PCDHA10: variants seen among roughly 807,000 people sequenced by gnomAD.
The protein encoded by PCDHA10 is protocadherin alpha 10.
In PCDHA10, 45 loss-of-function variants were observed where a neutral mutation model predicts 61.2. The observed-to-expected ratio is 0.74, with a 90% CI of 0.58 to 0.94. PCDHA10 has a LOEUF of 0.94. Ranked by LOEUF, PCDHA10 falls within the 40% of genes least tolerant of loss-of-function variation. The pLI is 0.00. For synonymous variants in PCDHA10, 602 were observed against 548.8 expected (o/e 1.10, Z -1.35); for missense variants, 1,278 against 1,236.2 (o/e 1.03, Z -0.51).
chr5:140,883,119 C>T, intron 1 of PCDHA10: 1 of 1,613,998 alleles, frequency 6.2e-7, no homozygotes, highest in Non-Finnish European at 8.5e-7. Context: ...TTTAGAAGGC[C>T]TGTATGGCCT....
At position 140,915,662 on chromosome 5, in the gene PCDHA10, G is replaced by T. The variant is rs75670796; in HGVS notation, c.2388+57226G>T. On this transcript the variant is annotated intron_variant, in intron 1 of 3. Transcript: ENST00000307360. ...TCTCTCTCTCTCTCTCTCTCAAGGT[G>T]CTGGGCCATCTTGAACTAGGGGTAT... is the stretch of plus-strand genomic sequence containing the variant. 8.2e-3 allele frequency among the ~76,000 whole-genome samples: 1,195 copies of T among 145,332 alleles called. 7 individuals are homozygous for T. Among genetic ancestry groups the T allele is most frequent in the African/African-American group, 0.02 (782 of 39,430 alleles).
At position 140,939,517 on chromosome 5, in the gene PCDHA10, G is replaced by GACATTGTAGAATTATAGAATTCTACATAA. The variant is rs559604027; in HGVS notation, c.2389-39432_2389-39431insACATTGTAGAATTATAGAATTCTACATAA. 5.4e-3 allele frequency among the ~76,000 whole-genome samples: 825 copies of GACATTGTAGAATTATAGAATTCTACATAA among 152,166 alleles called. 3 individuals carry two copies. Among genetic ancestry groups the GACATTGTAGAATTATAGAATTCTACATAA allele is most frequent in the African/African-American group, 0.019 (794 of 41,518 alleles). On this transcript the variant is annotated intron_variant, in intron 1 of 3. Coordinates refer to ENST00000307360, the MANE Select transcript of PCDHA10 (RefSeq NM_018901.4). Reference sequence around the variant, plus strand: ...AAATTCAATGTCTATAACATTAATAGTTATAGAATTATACAGAGCCTCTAT... The same window carrying GACATTGTAGAATTATAGAATTCTACATAA: ...AAATTCAATGTCTATAACATTAATAGACATTGTAGAATTATAGAATTCTACATAATTATAGAATTATACAGAGCCTCTAT...
chr5:140,928,539 T>G, intron 1 of PCDHA10: 1 of 1,614,222 alleles, frequency 6.2e-7, no homozygotes. Context: ...TAGATAGGAA[T>G]GACAATTATC....
Position 140,877,355 on chromosome 5 carries a change from C to T in PCDHA10, c.2388+18919C>T. On this transcript the variant is annotated intron_variant, in intron 1 of 3. Coordinates refer to ENST00000307360, the MANE Select transcript of PCDHA10 (RefSeq NM_018901.4). ...ATCCCGTTCCACGTGGGGCTGTACA[C>T]TGGCGAGATCAGCACGACACGCATC... 1.2e-6 allele frequency: 2 copies of T among 1,614,012 alleles called. No homozygotes were observed. Among genetic ancestry groups the T allele is most frequent in the Non-Finnish European group, 8.5e-7 (1 of 1,179,888 alleles).
At position 140,966,988 on chromosome 5, in the gene PCDHA10, G is replaced by C. The variant is rs782004679; in HGVS notation, c.2389-11961G>C. 1.2e-5 allele frequency: 20 copies of C among 1,603,962 alleles called. No homozygotes were observed. The African/African-American group carries it at 2.1e-4, about 17-fold the overall frequency. Reference sequence around the variant, plus strand: ...GGCTTGAGCTGCGGCGCTTGGGGCCGGGTTGCTTGCGCATCAACCATCTGG... The same window carrying C: ...GGCTTGAGCTGCGGCGCTTGGGGCCCGGTTGCTTGCGCATCAACCATCTGG... On this transcript the variant is annotated intron_variant, in intron 1 of 3. Transcript: ENST00000307360.
At chr5:140,882,971 G>C in intron 1 of PCDHA10, 1 of 1,614,206 alleles carries the variant, frequency 6.2e-7, no homozygotes, top group Non-Finnish European at 8.5e-7. Flanking sequence ...GATTCTGGAC[G>C]TGAATGACAA....
intron 1 of PCDHA10, among the ~76,000 whole-genome samples, chr5:140,891,916 G>T (rs1336108155): frequency 6.6e-6 from 1 of 152,170 alleles, no homozygotes; most frequent in Non-Finnish European, 1.5e-5. Context: ...ACCAGATGCT[G>T]GTGCCTTGAT....
intron 1 of PCDHA10, among the ~76,000 whole-genome samples, chr5:140,895,085 C>T (rs144485224): frequency 2.0e-5 from 3 of 152,298 alleles, no homozygotes; most frequent in Non-Finnish European, 4.4e-5. Flanking sequence ...AGTTCCTCCT[C>T]AGTATAGGGG....
chr5:141,000,392 T>TATAA (rs2097913276), intron 3 of PCDHA10, among the ~76,000 whole-genome samples: 1 of 62,986 alleles, frequency 1.6e-5, no homozygotes, highest in African/African-American at 7.3e-5. Context: ...TCTCTCTCTC[T>TATAA]CTCTATATAT....
chr5:140,927,493 C>G, intron 1 of PCDHA10: 1 of 1,614,144 alleles, frequency 6.2e-7, no homozygotes. Flanking sequence ...CACCCACCTG[C>G]TGGTGCTTAC....
intron 1 of PCDHA10, among the ~76,000 whole-genome samples, chr5:140,950,402 G>A (rs1459486068): frequency 6.6e-6 from 1 of 151,846 alleles, no homozygotes; most frequent in African/African-American, 2.4e-5. Context: ...AATTCTGGGG[G>A]ATTGACAGAT....
chr5:140,983,363 C>A (rs574253600), intron 3 of PCDHA10, among the ~76,000 whole-genome samples: 33 of 152,290 alleles, frequency 2.2e-4, no homozygotes, highest in African/African-American at 7.9e-4. Context: ...AGAAATATGG[C>A]TTTGGAGGCC....
intron 1 of PCDHA10, among the ~76,000 whole-genome samples, chr5:140,919,658 T>C (rs1271844986): frequency 2.0e-5 from 3 of 152,230 alleles, no homozygotes; most frequent in Non-Finnish European, 2.9e-5. Context: ...GTTTACCATA[T>C]ATATTTTAGC....
intron 1 of PCDHA10, among the ~76,000 whole-genome samples, chr5:140,953,965 G>A (rs1554221174): frequency 6.6e-6 from 1 of 152,024 alleles, no homozygotes; most frequent in Non-Finnish European, 1.5e-5. Flanking sequence ...GCCCCAGTGT[G>A]TGTTGTTCCC....
chr5:140,952,338 C>CAAAAAAAA (rs55931446), intron 1 of PCDHA10, among the ~76,000 whole-genome samples: 1 of 135,028 alleles, frequency 7.4e-6, no homozygotes. Context: ...AACTCCATCT[C>CAAAAAAAA]AAAAAAAAAA....
chr5:140,983,211 T>C (rs1429696975), intron 3 of PCDHA10, among the ~76,000 whole-genome samples: 1 of 152,204 alleles, frequency 6.6e-6, no homozygotes, highest in African/African-American at 2.4e-5. Context: ...AGGGACTATT[T>C]CCTAATCCAA....
intron 1 of PCDHA10, among the ~76,000 whole-genome samples, chr5:140,922,316 A>T (rs983729529): frequency 6.6e-6 from 1 of 152,248 alleles, no homozygotes; most frequent in Non-Finnish European, 1.5e-5. Flanking sequence ...TTCACTGAAG[A>T]TCTTGGAAAG....
intron 1 of PCDHA10, chr5:140,927,767 A>G (rs2084615997): frequency 6.2e-7 from 1 of 1,614,176 alleles, no homozygotes. Context: ...AAAAGTGGGG[A>G]GGTGCAAGTA....
chr5:140,877,240 G>T, intron 1 of PCDHA10: 1 of 1,613,736 alleles, frequency 6.2e-7, no homozygotes, highest in Non-Finnish European at 8.5e-7. Flanking sequence ...TGCGGGCCAC[G>T]TGGTGGCGAA....
Sources: allele counts gnomAD v4.1 joint callset (sites outside exome capture counted in the v4.1 genomes callset), GRCh38; gene constraint gnomAD v4.1.1; transcripts MANE v1.5; gene names NCBI Gene and HGNC (gene_info 2026-07-23, HGNC 2026-07-21).